Variants in PLD1 observed in about 807,000 individuals in gnomAD.
PLD1 encodes choline phosphatase 1.
A neutral mutation model predicts 137.1 loss-of-function variants in PLD1; 112 were observed. The observed-to-expected ratio is 0.82, with a 90% CI of 0.70 to 0.96. PLD1 has a LOEUF of 0.96. Ranked by LOEUF, PLD1 falls within the 40% of genes least tolerant of loss-of-function variation. The probability of loss-of-function intolerance (pLI) is 0.00; values close to 1 mark genes in which losing one functional copy is unlikely to be tolerated. For missense variants in PLD1, 1,321 were observed against 1,342.0 expected, an observed-to-expected ratio of 0.98 and a Z score of 0.24; for synonymous variants, 431 against 454.7, an observed-to-expected ratio of 0.95 and a Z score of 0.66.
chr3:171,782,456 C>A (rs1018402405), intron 1 of PLD1, among the ~76,000 whole-genome samples: 6 of 152,056 alleles, frequency 3.9e-5, no homozygotes, highest in African/African-American at 1.4e-4. Flanking sequence ...TCATATGTAC[C>A]CTGAAATGTT....
intron 8 of PLD1, among the ~76,000 whole-genome samples, chr3:171,718,950 T>C: frequency 6.6e-6 from 1 of 152,164 alleles, no homozygotes; most frequent in Middle Eastern, 3.2e-3. Flanking sequence ...TTTAAAAAGA[T>C]ACCTCCTGCC....
chr3:171,634,945 C>A (rs985969821), intron 23 of PLD1, among the ~76,000 whole-genome samples: 11 of 151,848 alleles, frequency 7.2e-5, no homozygotes, highest in Admixed American at 6.6e-5. Context: ...ATTCCACTCT[C>A]CTCTACACCC....
intron 14 of PLD1, among the ~76,000 whole-genome samples, chr3:171,688,199 T>C (rs1372920964): frequency 2.0e-5 from 3 of 152,216 alleles, no homozygotes; most frequent in Non-Finnish European, 4.4e-5. Flanking sequence ...TAAAAGGCAC[T>C]TTGGGAAGTT....
chr3:171,763,225 A>G (rs1485817699), intron 1 of PLD1, among the ~76,000 whole-genome samples: 1 of 151,722 alleles, frequency 6.6e-6, no homozygotes, highest in Non-Finnish European at 1.5e-5. Flanking sequence ...TTATTCCCTC[A>G]ACTCACATGG....
At chr3:171,730,696 T>C (rs1010857483) in intron 6 of PLD1, among the ~76,000 whole-genome samples, 20 of 149,352 alleles carry the variant, frequency 1.3e-4, no homozygotes, top group African/African-American at 5.1e-4. Context: ...TGGAGTGCAG[T>C]GGCGCAACTG....
chr3:171,674,756 T>C (rs929338143), intron 18 of PLD1, 143 bp from the exon 19 acceptor site: 3 of 472,162 alleles, frequency 6.4e-6, no homozygotes, highest in Admixed American at 3.5e-5. Context: ...GAAGCGGGGA[T>C]CACTTGAGGT....
At chr3:171,785,314 GAAAAT>G (rs965830831) in intron 1 of PLD1, among the ~76,000 whole-genome samples, 1 of 152,100 alleles carries the variant, frequency 6.6e-6, no homozygotes, top group African/African-American at 2.4e-5. Flanking sequence ...TGAAATAGGT[GAAAAT>G]AATTTAATGA....
At chr3:171,675,340 A>T (rs1270745484) in intron 18 of PLD1, among the ~76,000 whole-genome samples, 1 of 152,234 alleles carries the variant, frequency 6.6e-6, no homozygotes, top group Admixed American at 6.5e-5. Flanking sequence ...TCATTTGTTT[A>T]ATAAATTCCT....
intron 1 of PLD1, among the ~76,000 whole-genome samples, chr3:171,741,764 T>G (rs1397875250): frequency 6.6e-6 from 1 of 152,234 alleles, no homozygotes. Flanking sequence ...TATTCAGTGA[T>G]GAAATCAGAT....
chr3:171,692,352 G>T lies in PLD1; in HGVS notation c.1318C>A (p.Arg440Ser). ...NSEYTKRTLM[R>S]LHPNIKVMRH... ...AATACCTTTATGTTGGGATGTAGAC[G>T]CATCAAAGTCCTCTTGGTGTATTCA... The change falls in exon 13 of 27, where the codon CGT becomes AGT. Residue 440 changes from arginine (R) to serine (S), a missense_variant. Arg to Ser is a moderately radical substitution (Grantham distance 110). Transcript: ENST00000351298. 6.6e-7 allele frequency: 1 copy of T among 1,516,146 alleles called. No individual in the cohort carries two copies. The highest frequency in any genetic ancestry group is 9.2e-7 in the Non-Finnish European group (1 of 1,090,816). 93.9% of individuals were successfully genotyped at this position (1,516,146 alleles called of 1,614,324 possible).
rs184962863 is a variant in PLD1 at position 171,613,641 on chromosome 3, A to T, written c.2729-1209T>A. ...GCAACTTTCCTCCATTCTATTTTTT[A>T]AAATTATTAATTCTCTTTATTAGCT... On this transcript the variant is annotated intron_variant, in intron 24 of 26. Transcript: ENST00000351298. 1.1e-3 allele frequency among the ~76,000 whole-genome samples: 165 copies of T among 152,216 alleles called. 1 individual carries two copies. The highest frequency in any genetic ancestry group is 3.6e-3 in the African/African-American group (151 of 41,524).
At chr3:171,634,450 C>A (rs929886437) in intron 23 of PLD1, among the ~76,000 whole-genome samples, 1 of 152,048 alleles carries the variant, frequency 6.6e-6, no homozygotes, top group African/African-American at 2.4e-5. Flanking sequence ...TTTACTAATT[C>A]ACTATCATCT....
At chr3:171,645,302 A>G (rs1027800091) in intron 21 of PLD1, among the ~76,000 whole-genome samples, 2 of 152,190 alleles carry the variant, frequency 1.3e-5, no homozygotes, top group East Asian at 1.9e-4. Flanking sequence ...TGTAGGACAA[A>G]ATGCAGTGTA....
chr3:171,725,441 G>A (rs1393271552), intron 7 of PLD1, among the ~76,000 whole-genome samples: 1 of 152,140 alleles, frequency 6.6e-6, no homozygotes, highest in Admixed American at 6.5e-5. Context: ...TTTGAAAACA[G>A]TATATCTTAA....
At chr3:171,666,261 T>C (rs1712133233) in intron 19 of PLD1, 1 of 152,638 alleles carries the variant, frequency 6.6e-6, no homozygotes, top group Non-Finnish European at 1.5e-5. Context: ...GACTCACAGT[T>C]CCACATGGCT....
At chr3:171,706,502 G>A (rs868252754) in intron 11 of PLD1, among the ~76,000 whole-genome samples, 3 of 151,764 alleles carry the variant, frequency 2.0e-5, no homozygotes, top group Non-Finnish European at 2.9e-5. Context: ...CTTTGTCTCC[G>A]GCCCAACCTT....
chr3:171,663,690 C>A (rs1299547459), intron 19 of PLD1, among the ~76,000 whole-genome samples: 3 of 152,174 alleles, frequency 2.0e-5, no homozygotes, highest in Non-Finnish European at 1.5e-5. Context: ...TTCTAACTAG[C>A]ATTGCAGTAT....
chr3:171,628,961 A>G (rs1443487867), intron 23 of PLD1, among the ~76,000 whole-genome samples: 1 of 148,310 alleles, frequency 6.7e-6, no homozygotes, highest in Non-Finnish European at 1.5e-5. Context: ...CAAGACAGGG[A>G]TGCCCTCTCT....
chr3:171,780,635 G>T (rs1722761777), intron 1 of PLD1, among the ~76,000 whole-genome samples: 2 of 152,158 alleles, frequency 1.3e-5, no homozygotes, highest in Non-Finnish European at 2.9e-5. Flanking sequence ...ATGATAGAGA[G>T]ATCAATTATG....
Sources: allele counts gnomAD v4.1 joint callset (sites outside exome capture counted in the v4.1 genomes callset), GRCh38; gene constraint gnomAD v4.1.1; transcripts MANE v1.5; gene names NCBI Gene and HGNC (gene_info 2026-07-23, HGNC 2026-07-21).